The following PAN3 variants were observed in gnomAD, a reference collection of about 807,000 sequenced individuals.
PAN3 encodes the protein poly(A) specific ribonuclease subunit PAN3.
A neutral mutation model predicts 96.2 loss-of-function variants in PAN3; 19 were observed. That is an observed-to-expected ratio of 0.20 (90% CI 0.14 to 0.29). PAN3 has a LOEUF of 0.29. PAN3 is among the 10% of genes least tolerant of loss of function. The probability of loss-of-function intolerance (pLI) is 1.00; values close to 1 mark genes in which losing one functional copy is unlikely to be tolerated. For synonymous variants in PAN3, 433 were observed against 406.6 expected (o/e 1.06, Z -0.78); for missense variants, 882 against 1,108.1 (o/e 0.80, Z 2.90).
intron 6 of PAN3, among the ~76,000 whole-genome samples, chr13:28,249,618 T>G (rs1221697482): frequency 6.6e-6 from 1 of 151,936 alleles, no homozygotes; most frequent in Non-Finnish European, 1.5e-5. Context: ...CTGGCTAATT[T>G]TTTGTATTTT....
At chr13:28,240,703 A>C (rs1200703924) in intron 6 of PAN3, among the ~76,000 whole-genome samples, 1 of 152,206 alleles carries the variant, frequency 6.6e-6, no homozygotes, top group Non-Finnish European at 1.5e-5. Context: ...GTTAAGCTTG[A>C]TACTTTTGAT....
At chr13:28,239,398 G>A (rs1371901020) in intron 6 of PAN3, among the ~76,000 whole-genome samples, 1 of 152,026 alleles carries the variant, frequency 6.6e-6, no homozygotes, top group Non-Finnish European at 1.5e-5. Context: ...CTGTAACTGA[G>A]TGAAAGCTTT....
chr13:28,282,244 T>A lies in PAN3; in HGVS notation c.2384+865T>A, dbSNP rs151154052. On this transcript the variant is annotated intron_variant, in intron 17 of 18. Transcript: ENST00000380958. Reference sequence around the variant, plus strand: ...TGTCAAAGACAGGTAGAACAGAATTTGCAATTACTATGACTATATACGTAA... The same window carrying A: ...TGTCAAAGACAGGTAGAACAGAATTAGCAATTACTATGACTATATACGTAA... Among the ~76,000 whole-genome samples the A allele has an allele frequency of 3.1e-3, 467 of 152,294 alleles. 3 individuals are homozygous for A. Among genetic ancestry groups the A allele is most frequent in the African/African-American group, 0.011 (450 of 41,578 alleles).
At chr13:28,155,388 G>A in intron 1 of PAN3, among the ~76,000 whole-genome samples, 1 of 152,014 alleles carries the variant, frequency 6.6e-6, no homozygotes. Flanking sequence ...TCAGGAGTTT[G>A]AGACCAGCCT....
intron 6 of PAN3, among the ~76,000 whole-genome samples, chr13:28,254,976 A>G (rs1383179762): frequency 6.6e-6 from 1 of 152,178 alleles, no homozygotes; most frequent in Non-Finnish European, 1.5e-5. Context: ...GAGGCTCTTC[A>G]GAAAGTACAG....
At chr13:28,148,393 TCTC>T (rs760549671) in intron 1 of PAN3, among the ~76,000 whole-genome samples, 18 of 152,138 alleles carry the variant, frequency 1.2e-4, no homozygotes, top group African/African-American at 1.7e-4. Context: ...AGCAAATCTC[TCTC>T]CTCAGTCCAC....
At chr13:28,224,847 C>T (rs1001055222) in intron 6 of PAN3, among the ~76,000 whole-genome samples, 1 of 152,158 alleles carries the variant, frequency 6.6e-6, no homozygotes, top group Non-Finnish European at 1.5e-5. Context: ...TGGTCTCAAA[C>T]TAGCCTCAAG....
Position 28,260,431 on chromosome 13 carries a change from CT to C in PAN3, c.1249-14del, listed in dbSNP as rs757308664. ...AAAAATGAGTGATTACATTTACCCC[CT>C]TCCTACCTTTTTAGGTGTTTCCAAA... On this transcript the variant is annotated splice_polypyrimidine_tract_variant and intron_variant, in intron 7 of 18. Coordinates refer to ENST00000380958, the MANE Select transcript of PAN3 (RefSeq NM_175854.8). The C allele has an allele frequency of 3.2e-6, 5 of 1,565,656 alleles. No homozygotes were observed. The highest frequency in any genetic ancestry group is 4.4e-6 in the Non-Finnish European group (5 of 1,136,568).
intron 6 of PAN3, among the ~76,000 whole-genome samples, chr13:28,224,361 A>G (rs1161213632): frequency 7.2e-5 from 11 of 152,152 alleles, no homozygotes; most frequent in Admixed American, 7.2e-4. Flanking sequence ...AGCAGCACAC[A>G]TTTCTGCATG....
chr13:28,280,555 ATTTTTTTTTTT>A lies in PAN3; in HGVS notation c.2319+28_2319+38del, dbSNP rs35542876. 2.5e-5 allele frequency: 29 copies of A among 1,150,794 alleles called. No homozygotes were observed. In the East Asian group the frequency reaches 3.2e-4, roughly 13 times the overall value. The allele number at this position is 1,150,794 out of a possible 1,614,324, so 71.3% of individuals were successfully genotyped here. ...GACCTTGCAAAGGTAAAGAGTGTAA[ATTTTTTTTTTT>A]TTTTTTTTTTTTTGAGACAGAGTCT... On this transcript the variant is annotated intron_variant, in intron 16 of 18. Transcript: ENST00000380958.
chr13:28,216,299 G>A (rs1316636371), intron 5 of PAN3, among the ~76,000 whole-genome samples: 1 of 152,092 alleles, frequency 6.6e-6, no homozygotes, highest in Non-Finnish European at 1.5e-5. Flanking sequence ...GAAAGTCTCA[G>A]TGGTTTCCTG....
Position 28,138,973 on chromosome 13 carries a change from G to A in PAN3, c.316G>A (p.Gly106Arg). 7.8e-7 allele frequency: 1 copy of A among 1,278,242 alleles called. No individual in the cohort carries two copies. Among genetic ancestry groups the A allele is most frequent in the Non-Finnish European group, 9.9e-7 (1 of 1,012,924 alleles). 79.2% of individuals were successfully genotyped at this position (1,278,242 alleles called of 1,614,324 possible). ...AGFPPGAVAG[G>R]GAGPPPGPKK... is the part of the protein sequence containing the mutation. ...CTTTCCGCCGGGAGCCGTCGCGGGC[G>A]GGGGAGCTGGGCCGCCCCCCGGGCC... Residue 106 changes from glycine (G) to arginine (R), a missense_variant, in exon 1 of 19, where the codon GGG becomes AGG. Physicochemically the swap from Gly to Arg is moderately radical, Grantham distance 125. This residue lies in a region of PAN3 where 442 missense variants were observed against 422.8 expected (regional missense o/e 1.05). Coordinates refer to ENST00000380958, the MANE Select transcript of PAN3 (RefSeq NM_175854.8).
chr13:28,212,693 T>A (rs1880191921), intron 5 of PAN3, among the ~76,000 whole-genome samples: 1 of 152,256 alleles, frequency 6.6e-6, no homozygotes, highest in South Asian at 2.1e-4. Flanking sequence ...AGCTATAGTG[T>A]CTGAAATGAA....
intron 6 of PAN3, among the ~76,000 whole-genome samples, chr13:28,247,490 T>TA (rs1884314412): frequency 6.6e-6 from 1 of 152,192 alleles, no homozygotes; most frequent in African/African-American, 2.4e-5. Context: ...TTTGAGATCT[T>TA]ACGCAAAATA....
chr13:28,178,012 A>G (rs1875277264), intron 4 of PAN3, 77 bp downstream of exon 4: 9 of 1,349,256 alleles, frequency 6.7e-6, no homozygotes, highest in Admixed American at 3.7e-5. Context: ...TGTAGTGTCA[A>G]TGTTTTTGTA....
chr13:28,230,463 C>G (rs1264205958), intron 6 of PAN3, among the ~76,000 whole-genome samples: 2 of 151,168 alleles, frequency 1.3e-5, no homozygotes, highest in Non-Finnish European at 2.9e-5. Context: ...AATCAGATAT[C>G]TTTTATTTAC....
At chr13:28,255,228 T>A (rs1265574708) in intron 6 of PAN3, among the ~76,000 whole-genome samples, 2 of 152,278 alleles carry the variant, frequency 1.3e-5, no homozygotes, top group East Asian at 3.9e-4. Context: ...AAACAGTTCC[T>A]GGATAAGCTT....
intron 1 of PAN3, among the ~76,000 whole-genome samples, chr13:28,155,870 T>A (rs1233227745): frequency 6.6e-6 from 1 of 152,130 alleles, no homozygotes; most frequent in African/African-American, 2.4e-5. Flanking sequence ...GACACAGATT[T>A]TGAGAGGAAG....
At chr13:28,265,495 C>T (rs1416183776) in intron 9 of PAN3, among the ~76,000 whole-genome samples, 1 of 152,194 alleles carries the variant, frequency 6.6e-6, no homozygotes, top group Admixed American at 6.5e-5. Context: ...TTGCATCCTA[C>T]CTTTCTCTCT....
Sources: gnomAD v4.1 joint callset for allele counts (sites outside exome capture counted in the v4.1 genomes callset) on GRCh38, gnomAD v4.1.1 for gene constraint, gnomAD v4.1.1 regional missense constraint, MANE v1.5 for transcripts, NCBI Gene and HGNC (gene_info 2026-07-23, HGNC 2026-07-21) for gene names.